The following PDS5A variants were observed in gnomAD, a reference collection of about 807,000 sequenced individuals.
The protein encoded by PDS5A is sister chromatid cohesion protein PDS5 homolog A.
PDS5A carries 42 observed loss-of-function variants against 167.1 expected under a neutral mutation model. That is an observed-to-expected ratio of 0.25 (90% CI 0.20 to 0.33). PDS5A has a LOEUF of 0.33. Ranked by LOEUF, PDS5A falls within the 10% of genes least tolerant of loss-of-function variation. The probability of loss-of-function intolerance (pLI) is 1.00; values close to 1 mark genes in which losing one functional copy is unlikely to be tolerated. For synonymous variants in PDS5A, 553 were observed against 554.6 expected (o/e 1.00, Z 0.04); for missense variants, 1,033 against 1,605.9 (o/e 0.64, Z 6.10).
intron 2 of PDS5A, among the ~76,000 whole-genome samples, chr4:39,940,653 C>T (rs1474047485): frequency 3.3e-5 from 5 of 152,086 alleles, no homozygotes; most frequent in African/African-American, 1.2e-4. Context: ...AAGAAACAGA[C>T]CTACAGATTT....
At chr4:39,844,910 A>T in intron 29 of PDS5A, 109 bp from the exon 30 acceptor site, 1 of 1,157,594 alleles carries the variant, frequency 8.6e-7, no homozygotes, top group Non-Finnish European at 1.2e-6. Flanking sequence ...CTAATTAGTT[A>T]AATTTACCAG....
In PDS5A at chr4:39,968,013, T is replaced by C. The variant is rs75361624; in HGVS notation, c.138+8427A>G. On this transcript the variant is annotated intron_variant, in intron 2 of 32. Transcript: ENST00000303538. Reference sequence around the variant, plus strand: ...GAAAGAAAGAAACAAAGTATGTGTATAGTAAATAGCTCTGTAGTAATCCAT... The same window carrying C: ...GAAAGAAAGAAACAAAGTATGTGTACAGTAAATAGCTCTGTAGTAATCCAT... Among the ~76,000 whole-genome samples, 521 of 152,328 alleles carry C rather than the reference T, an allele frequency of 3.4e-3. 6 individuals carry two copies. Among genetic ancestry groups the C allele is most frequent in the African/African-American group, 0.011 (477 of 41,564 alleles).
At chr4:39,838,730 T>A (rs949383448) in intron 31 of PDS5A, among the ~76,000 whole-genome samples, 8 of 150,216 alleles carry the variant, frequency 5.3e-5, no homozygotes, top group African/African-American at 1.7e-4. Context: ...CTCAAAATAG[T>A]AATTGCAAGC....
At chr4:39,973,830 G>T in intron 2 of PDS5A, 1 of 1,100,884 alleles carries the variant, frequency 9.1e-7, no homozygotes, top group South Asian at 1.2e-5. Context: ...CACAGACTCA[G>T]AACCGTGCTG....
intron 2 of PDS5A, among the ~76,000 whole-genome samples, chr4:39,945,551 T>C (rs948520349): frequency 6.6e-6 from 1 of 151,770 alleles, no homozygotes; most frequent in Non-Finnish European, 1.5e-5. Flanking sequence ...TATAGTATAG[T>C]AGGAGGAATG....
chr4:39,884,664 CTCTT>C (rs1217594194), intron 17 of PDS5A, among the ~76,000 whole-genome samples: 1 of 152,204 alleles, frequency 6.6e-6, no homozygotes, highest in African/African-American at 2.4e-5. Flanking sequence ...TGTGATAACA[CTCTT>C]TCCCAATTTT....
At chr4:39,954,694 A>AC (rs1560514880) in intron 2 of PDS5A, among the ~76,000 whole-genome samples, 2 of 151,452 alleles carry the variant, frequency 1.3e-5, no homozygotes, top group Non-Finnish European at 2.9e-5. Context: ...AAAAAAAAAA[A>AC]AAACAGAAAC....
intron 3 of PDS5A, 90 bp downstream of exon 3, chr4:39,927,871 T>C (rs1485320330): frequency 3.4e-6 from 3 of 882,046 alleles, no homozygotes; most frequent in African/African-American, 1.7e-5. Context: ...ATGAAACCTA[T>C]GTTCATAAAG....
intron 32 of PDS5A, among the ~76,000 whole-genome samples, chr4:39,830,962 G>A (rs995428443): frequency 6.6e-6 from 1 of 152,224 alleles, no homozygotes; most frequent in African/African-American, 2.4e-5. Context: ...TCTGCCGGGC[G>A]CAATGGCTCA....
intron 16 of PDS5A, among the ~76,000 whole-genome samples, chr4:39,895,223 G>C (rs1377488798): frequency 1.8e-5 from 2 of 109,406 alleles, no homozygotes; most frequent in South Asian, 6.9e-4. Flanking sequence ...AAAAAAAAAA[G>C]AGAAATGTGT....
At chr4:39,962,576 C>T (rs1019023846) in intron 2 of PDS5A, among the ~76,000 whole-genome samples, 3 of 151,728 alleles carry the variant, frequency 2.0e-5, no homozygotes, top group African/African-American at 4.8e-5. Context: ...GAGGCCGAGG[C>T]GAGCAGATCA....
Position 39,849,529 on chromosome 4 carries a change from C to A in PDS5A, c.3210G>T (p.Lys1070Asn), listed in dbSNP as rs1717935576. The change falls in exon 27 of 33, where the codon AAG (lysine) becomes AAT (asparagine). Residue 1070 changes from lysine (K) to asparagine (N), a missense_variant. Transcript: ENST00000303538. ...TRDAQSPDES[K>N]TNEKLYTVCD... Reference sequence around the variant, plus strand: ...CTAACACTCATCTTACTTCATTTGTCTTGGATTCATCTGGAGACTGGGCAT... The same window carrying A: ...CTAACACTCATCTTACTTCATTTGTATTGGATTCATCTGGAGACTGGGCAT... 6.2e-7 allele frequency: 1 copy of A among 1,600,040 alleles called. No homozygotes were observed. Among genetic ancestry groups the A allele is most frequent in the Non-Finnish European group, 8.5e-7 (1 of 1,172,004 alleles).
At chr4:39,874,475 G>C in intron 19 of PDS5A, 63 bp from the exon 20 acceptor site, 2 of 1,402,362 alleles carry the variant, frequency 1.4e-6, no homozygotes, top group Non-Finnish European at 2.0e-6. Context: ...TATTCCTTTG[G>C]TTGACTTCCA....
intron 2 of PDS5A, among the ~76,000 whole-genome samples, chr4:39,970,129 C>G (rs375008925): frequency 4.6e-5 from 7 of 151,794 alleles, no homozygotes; most frequent in Non-Finnish European, 1.0e-4. Context: ...GGATTACAGG[C>G]GTGAGCCACC....
chr4:39,909,407 G>A (rs534479183), intron 10 of PDS5A, among the ~76,000 whole-genome samples: 81 of 152,208 alleles, frequency 5.3e-4, no homozygotes, highest in Non-Finnish European at 1.1e-3. Flanking sequence ...TTACACGCGT[G>A]AGCCACCATG....
At chr4:39,925,608 C>T (rs1381318106) in intron 5 of PDS5A, among the ~76,000 whole-genome samples, 5 of 152,118 alleles carry the variant, frequency 3.3e-5, no homozygotes, top group Non-Finnish European at 1.5e-5. Flanking sequence ...ACAGCCTGGG[C>T]GACTGAAGAG....
At chr4:39,889,423 C>T (rs1368704031) in intron 17 of PDS5A, among the ~76,000 whole-genome samples, 1 of 152,252 alleles carries the variant, frequency 6.6e-6, no homozygotes, top group Non-Finnish European at 1.5e-5. Flanking sequence ...CATTTCAATA[C>T]AGCCACATCA....
intron 7 of PDS5A, among the ~76,000 whole-genome samples, chr4:39,917,795 G>A (rs1273089232): frequency 1.3e-5 from 2 of 152,040 alleles, no homozygotes; most frequent in African/African-American, 2.4e-5. Flanking sequence ...GGCTGGTCTC[G>A]AACTCCGTAC....
intron 17 of PDS5A, among the ~76,000 whole-genome samples, chr4:39,888,908 TAAAGA>T (rs1721727680): frequency 6.6e-6 from 1 of 152,194 alleles, no homozygotes; most frequent in Admixed American, 6.5e-5. Flanking sequence ...GTTTCTAGCA[TAAAGA>T]TGAATATTTA....
Sources: allele counts gnomAD v4.1 joint callset (sites outside exome capture counted in the v4.1 genomes callset), GRCh38; gene constraint gnomAD v4.1.1; transcripts MANE v1.5; gene names NCBI Gene and HGNC (gene_info 2026-07-23, HGNC 2026-07-21).